The following TCF12 variants were observed in gnomAD, a reference collection of about 807,000 sequenced individuals.
TCF12 encodes the protein transcription factor 12.
In TCF12, 45 loss-of-function variants were observed where a neutral mutation model predicts 86.0. The ratio of observed to expected loss-of-function variants is 0.52; its 90% CI spans 0.41 to 0.67. The LOEUF (loss-of-function observed/expected upper bound fraction) is 0.67. Among genes scored for constraint, TCF12 ranks in the 30% least tolerant of loss-of-function variants. The pLI is 0.00. For missense variants in TCF12, 881 were observed against 859.9 expected (o/e 1.02, Z -0.31); for synonymous variants, 330 against 299.6 (o/e 1.10, Z -1.05).
At chr15:57,163,899 C>G (rs111830085) in intron 5 of TCF12, among the ~76,000 whole-genome samples, 2,065 of 152,244 alleles carry the variant, frequency 0.014, 43 homozygotes, top group African/African-American at 0.046. Context: ...GAAGGAATTA[C>G]TGAAACTCAG....
intron 3 of TCF12, among the ~76,000 whole-genome samples, chr15:56,982,364 T>G (rs1316463275): frequency 2.0e-5 from 3 of 152,222 alleles, no homozygotes; most frequent in African/African-American, 7.2e-5. Context: ...GGTTGAGAAT[T>G]CTTACGCTTT....
chr15:57,142,908 A>G (rs2053084299), intron 5 of TCF12, among the ~76,000 whole-genome samples: 1 of 152,226 alleles, frequency 6.6e-6, no homozygotes, highest in African/African-American at 2.4e-5. Flanking sequence ...AGGATATGAA[A>G]GTCAAGAAAG....
chr15:57,086,323 T>C (rs2048628565), intron 4 of TCF12, among the ~76,000 whole-genome samples: 1 of 151,618 alleles, frequency 6.6e-6, no homozygotes, highest in South Asian at 2.1e-4. Context: ...TTTAATCCTT[T>C]TGTAACAACC....
intron 5 of TCF12, among the ~76,000 whole-genome samples, chr15:57,113,533 CTTCT>C (rs1748506838): frequency 6.6e-6 from 1 of 152,060 alleles, no homozygotes; most frequent in South Asian, 2.1e-4. Flanking sequence ...CTTTCTTTTG[CTTCT>C]TTTTTTTCTT....
At chr15:57,131,806 T>A (rs2052145849) in intron 5 of TCF12, among the ~76,000 whole-genome samples, 1 of 152,198 alleles carries the variant, frequency 6.6e-6, no homozygotes, top group Non-Finnish European at 1.5e-5. Context: ...ATTGTTATAA[T>A]TTCATCTGAT....
intron 6 of TCF12, among the ~76,000 whole-genome samples, chr15:57,175,109 G>A (rs1012058322): frequency 6.6e-6 from 1 of 152,138 alleles, no homozygotes; most frequent in Non-Finnish European, 1.5e-5. Flanking sequence ...AGCATTCCAG[G>A]CTGAGGCAGG....
rs1184422578 is a variant in TCF12 at position 57,208,380 on chromosome 15, C to CTTTTTTTTTTTTT, written c.579+10562_579+10574dup. Among the ~76,000 whole-genome samples the CTTTTTTTTTTTTT allele has an allele frequency of 1.4e-3, 92 of 65,582 alleles. 9 individuals are homozygous for CTTTTTTTTTTTTT. Among genetic ancestry groups the CTTTTTTTTTTTTT allele is most frequent in the African/African-American group, 2.2e-3 (33 of 14,844 alleles). 43.0% of individuals were successfully genotyped at this position (65,582 alleles called of 152,430 possible). On this transcript the variant is annotated intron_variant, in intron 8 of 20. Coordinates refer to ENST00000333725, the MANE Select transcript of TCF12 (RefSeq NM_207037.2). Reference sequence around the variant, plus strand: ...ACCTTGTTCTTTGGACAAAAATATCCTTTTTTTTTTTTTTTTTTTGGAGAC... The same window carrying CTTTTTTTTTTTTT: ...ACCTTGTTCTTTGGACAAAAATATCCTTTTTTTTTTTTTTTTTTTTTTTTTTTTTTTTGGAGAC...
intron 5 of TCF12, among the ~76,000 whole-genome samples, chr15:57,103,898 C>T (rs1179742167): frequency 6.6e-6 from 1 of 152,134 alleles, no homozygotes; most frequent in East Asian, 1.9e-4. Context: ...ATCCCAGCTA[C>T]TCAGGAGGCT....
At chr15:56,958,858 CAAAT>C (rs1326962743) in intron 3 of TCF12, among the ~76,000 whole-genome samples, 5 of 151,812 alleles carry the variant, frequency 3.3e-5, no homozygotes, top group African/African-American at 4.8e-5. Context: ...CTGTCTCTAC[CAAAT>C]AAATAAATAA....
chr15:57,131,770 G>A (rs1047794902), intron 5 of TCF12, among the ~76,000 whole-genome samples: 5 of 152,090 alleles, frequency 3.3e-5, no homozygotes, highest in Non-Finnish European at 5.9e-5. Context: ...CTCTCTAATC[G>A]TTCTACAGAT....
chr15:57,005,061 C>T (rs954939447), intron 3 of TCF12, among the ~76,000 whole-genome samples: 3 of 152,138 alleles, frequency 2.0e-5, no homozygotes, highest in Non-Finnish European at 4.4e-5. Flanking sequence ...AAATATCTCT[C>T]TACTACTATT....
intron 19 of TCF12, among the ~76,000 whole-genome samples, chr15:57,275,759 A>G (rs1445812213): frequency 1.3e-5 from 2 of 152,054 alleles, no homozygotes; most frequent in African/African-American, 4.8e-5. Flanking sequence ...ATTTGGGATG[A>G]TGCTGCAAGA....
chr15:57,006,806 C>T (rs567189557), intron 3 of TCF12, among the ~76,000 whole-genome samples: 18 of 151,978 alleles, frequency 1.2e-4, no homozygotes, highest in African/African-American at 4.1e-4. Context: ...GTCCCAGCTA[C>T]TTGGGAGGCT....
intron 5 of TCF12, among the ~76,000 whole-genome samples, chr15:57,101,796 A>G (rs563403895): frequency 6.6e-6 from 1 of 152,332 alleles, no homozygotes; most frequent in East Asian, 1.9e-4. Context: ...TCAAAGTTCC[A>G]TGAAATTTCT....
At chr15:57,122,194 T>TC (rs2051288055) in intron 5 of TCF12, among the ~76,000 whole-genome samples, 1 of 151,210 alleles carries the variant, frequency 6.6e-6, no homozygotes, top group Non-Finnish European at 1.5e-5. Flanking sequence ...TTTTTTTTTT[T>TC]CACATTTTTT....
rs1326077300 is a variant in TCF12 at position 57,001,061 on chromosome 15, G to C, written c.149-62689G>C. ...CGGAGTCTTGCTCTGTCATCACCCA[G>C]GCTGGAGTGCAGTGGCGCGATCTCG... is the stretch of plus-strand genomic sequence containing the variant. On this transcript the variant is annotated intron_variant, in intron 3 of 20. Coordinates refer to ENST00000333725, the MANE Select transcript of TCF12 (RefSeq NM_207037.2). Among the ~76,000 whole-genome samples the C allele has an allele frequency of 2.2e-5, 3 of 138,712 alleles. No homozygotes were observed. In the East Asian group the frequency reaches 6.3e-4, roughly 29 times the overall value. 91.0% of individuals were successfully genotyped at this position (138,712 alleles called of 152,430 possible).
chr15:57,192,130 A>T (rs756420068), intron 6 of TCF12, 28 bp from the exon 7 acceptor site: 9 of 1,609,794 alleles, frequency 5.6e-6, no homozygotes, highest in Non-Finnish European at 6.8e-6. Context: ...GCAGGAAAAT[A>T]ACTTGTTTCC....
chr15:57,069,344 T>C (rs2069172487), intron 4 of TCF12, among the ~76,000 whole-genome samples: 1 of 152,206 alleles, frequency 6.6e-6, no homozygotes. Flanking sequence ...ATTATGGTAG[T>C]TATTTTTTTA....
intron 12 of TCF12, among the ~76,000 whole-genome samples, chr15:57,242,136 G>A: frequency 6.6e-6 from 1 of 152,104 alleles, no homozygotes; most frequent in East Asian, 1.9e-4. Context: ...CTTGTATGCT[G>A]TAAATTGGGT....
Sources: allele counts gnomAD v4.1 joint callset (sites outside exome capture counted in the v4.1 genomes callset), GRCh38; gene constraint gnomAD v4.1.1; transcripts MANE v1.5; gene names NCBI Gene and HGNC (gene_info 2026-07-23, HGNC 2026-07-21).